LRP3: variants seen among roughly 807,000 people sequenced by gnomAD.
LRP3 encodes the protein low-density lipoprotein receptor-related protein 3.
A neutral mutation model predicts 58.5 loss-of-function variants in LRP3; 49 were observed. The observed-to-expected ratio is 0.84, with a 90% CI of 0.67 to 1.06. LRP3 has a LOEUF of 1.06. LRP3 is among the 50% of genes least tolerant of loss of function. The pLI is 0.00. For synonymous variants in LRP3, 485 were observed against 492.2 expected (o/e 0.99, Z 0.20); for missense variants, 1,019 against 1,134.2 (o/e 0.90, Z 1.46).
rs564325986 is a variant in LRP3, at chr19:33,198,500, C to T, written c.121+1723C>T. 3.3e-5 allele frequency among the ~76,000 whole-genome samples: 5 copies of T among 152,312 alleles called. No individual in the cohort carries two copies. In the South Asian group the frequency reaches 1.0e-3, roughly 32 times the overall value. On this transcript the variant is annotated intron_variant, in intron 2 of 6. Transcript: ENST00000253193. Reference sequence around the variant, plus strand: ...AAGGTACCCACCTCCCACCACAGCTCCATGACTCTGCATTTCCAGAGCTTT... The same window carrying T: ...AAGGTACCCACCTCCCACCACAGCTTCATGACTCTGCATTTCCAGAGCTTT...
chr19:33,204,900 A>G (rs1974383638), intron 4 of LRP3, 48 bp downstream of exon 4: 3 of 1,563,074 alleles, frequency 1.9e-6, no homozygotes, highest in Admixed American at 1.7e-5. Context: ...CACACCGTGC[A>G]TGCCCACAGG....
rs576317275 is a variant in LRP3, at chr19:33,207,619, A to T, written c.*44A>T. On this transcript the variant is annotated 3_prime_UTR_variant, in exon 7 of 7. Transcript: ENST00000253193. ...ACCGCCACAGCCCCGCTTTGTAACCAGGGAATACACAGTCATTTCTACCCT... is the reference window on the plus strand; with the variant it reads ...ACCGCCACAGCCCCGCTTTGTAACCTGGGAATACACAGTCATTTCTACCCT... The T allele has an allele frequency of 4.3e-6, 6 of 1,400,782 alleles. No individual in the cohort carries two copies. Among genetic ancestry groups the T allele is most frequent in the Non-Finnish European group, 6.0e-6 (6 of 1,003,948 alleles). 86.8% of individuals were successfully genotyped at this position (1,400,782 alleles called of 1,614,324 possible). A position where few individuals can be genotyped will look rare whatever the true frequency, so the allele number is the denominator to read the frequency against.
intron 2 of LRP3, among the ~76,000 whole-genome samples, chr19:33,199,517 T>A (rs1688562703): frequency 6.8e-6 from 1 of 147,894 alleles, no homozygotes; most frequent in South Asian, 2.1e-4. Flanking sequence ...AACTTGCAGC[T>A]CCCTGCACAG....
chr19:33,201,875 A>T (rs1974344766), intron 2 of LRP3, among the ~76,000 whole-genome samples: 1 of 152,158 alleles, frequency 6.6e-6, no homozygotes, highest in Non-Finnish European at 1.5e-5. Context: ...AGCAGAGAGC[A>T]TGGAGAATGG....
chr19:33,197,330 TG>T (rs1974296261), intron 2 of LRP3, among the ~76,000 whole-genome samples: 2 of 152,092 alleles, frequency 1.3e-5, no homozygotes, highest in African/African-American at 2.4e-5. Flanking sequence ...ACAGCTTCCG[TG>T]GGAAAGTCTC....
intron 2 of LRP3, among the ~76,000 whole-genome samples, chr19:33,200,649 G>A (rs936941142): frequency 6.6e-6 from 1 of 152,208 alleles, no homozygotes; most frequent in Non-Finnish European, 1.5e-5. Context: ...TGGGGCCGGG[G>A]CCACTTTGCA....
At position 33,204,772 on chromosome 19, in the gene LRP3, G is replaced by A; in HGVS notation, c.395G>A (p.Arg132His). 2 of 1,613,272 alleles carry A rather than the reference G, an allele frequency of 1.2e-6. No individual in the cohort carries two copies. The highest frequency in any genetic ancestry group is 1.7e-6 in the Non-Finnish European group (2 of 1,179,988). Residue 132 changes from arginine to histidine, a missense_variant, in exon 4 of 7, where the codon CGC (arginine) becomes CAC (histidine). Coordinates refer to ENST00000253193, the MANE Select transcript of LRP3 (RefSeq NM_002333.4). ...ATCCCACCTGCCTTCATCTCTGCCC[G>A]CGACCATGTCTGGATTTTCTTCCAC... is the stretch of plus-strand genomic sequence containing the variant. ...SAIPPAFISA[R>H]DHVWIFFHSD...
At chr19:33,196,705 G>T in intron 1 of LRP3, 25 bp from the exon 2 acceptor site, 1 of 1,613,616 alleles carries the variant, frequency 6.2e-7, no homozygotes. Context: ...TGGGACCCCT[G>T]ACCCTTTCTT....
At chr19:33,202,307 AC>A (rs1335369515) in intron 2 of LRP3, among the ~76,000 whole-genome samples, 2 of 151,870 alleles carry the variant, frequency 1.3e-5, no homozygotes, top group African/African-American at 4.8e-5. Flanking sequence ...GTCTGCTCCC[AC>A]CCCCAGCCTA....
In LRP3 at chr19:33,207,103, G is replaced by A. The variant is rs747500002; in HGVS notation, c.1841G>A (p.Arg614Gln). The change falls in exon 7 of 7, where the codon CGG (arginine) becomes CAG (glutamine). Residue 614 changes from arginine to glutamine, a missense_variant. Coordinates refer to ENST00000253193, the MANE Select transcript of LRP3 (RefSeq NM_002333.4). The stretch of plus-strand genomic sequence containing the variant: ...CGCCTCTGGAACCGGCTCTTTCACC[G>A]GCCGCGGGCGCCCCGAGGCCAGATC... Reference protein sequence around the residue: ...LGRLWNRLFHRPRAPRGQIPL... With the variant: ...LGRLWNRLFHQPRAPRGQIPL... The A allele has an allele frequency of 2.0e-6, 3 of 1,525,120 alleles. No homozygotes were observed. The highest frequency in any genetic ancestry group is 1.2e-5 in the South Asian group (1 of 82,480). The allele number at this position is 1,525,120 out of a possible 1,614,324, so 94.5% of individuals were successfully genotyped here.
intron 2 of LRP3, among the ~76,000 whole-genome samples, chr19:33,200,590 C>A (rs1194623162): frequency 6.6e-6 from 1 of 152,230 alleles, no homozygotes; most frequent in Non-Finnish European, 1.5e-5. Context: ...CCTCAGGGCT[C>A]TGTGAGGTCC....
In LRP3 at chr19:33,207,750, G is replaced by T. The variant is rs996908985; in HGVS notation, c.*175G>T. The T allele has an allele frequency of 2.6e-5, 13 of 508,216 alleles. 1 individual carries two copies. The highest frequency in any genetic ancestry group is 2.1e-4 in the South Asian group (10 of 46,894). 31.5% of individuals were successfully genotyped at this position (508,216 alleles called of 1,614,324 possible). A position where few individuals can be genotyped will look rare whatever the true frequency, so the allele number is the denominator to read the frequency against. On this transcript the variant is annotated 3_prime_UTR_variant, in exon 7 of 7. Coordinates refer to ENST00000253193, the MANE Select transcript of LRP3 (RefSeq NM_002333.4). ...GTGGGCGGGAGCTGTGGGACTGAAC[G>T]GCGGGGGGGAGAAGAGTGGAGTGGT...
At chr19:33,206,756 GCC>G in intron 6 of LRP3, 23 bp downstream of exon 6, 1 of 1,506,368 alleles carries the variant, frequency 6.6e-7, no homozygotes, top group Non-Finnish European at 8.9e-7. Flanking sequence ...AGGGCGTGAG[GCC>G]CCTCCGGGGC....
chr19:33,203,729 C>T (rs1974368800), intron 3 of LRP3: 1 of 152,326 alleles, frequency 6.6e-6, no homozygotes, highest in South Asian at 2.1e-4. Flanking sequence ...GACTGGTGGG[C>T]ATGGTCTGAT....
chr19:33,204,269 G>C, intron 3 of LRP3: 1 of 269,936 alleles, frequency 3.7e-6, no homozygotes, highest in Non-Finnish European at 7.1e-6. Context: ...GGGCCCTTGG[G>C]CCACTGCCCT....
chr19:33,205,468 G>T lies in LRP3; in HGVS notation c.698G>T (p.Arg233Leu), dbSNP rs372645682. 41 of 1,584,632 alleles carry T rather than the reference G, an allele frequency of 2.6e-5. No individual in the cohort carries two copies. Among genetic ancestry groups the T allele is most frequent in the Non-Finnish European group, 4.3e-6 (5 of 1,167,590 alleles). ...RSTRCLPVER[R>L]CDGLQDCGDG... ...ACGCGCTGCCTGCCTGTGGAGCGGC[G>T]CTGTGACGGCTTGCAGGACTGCGGC... Residue 233 changes from arginine (R) to leucine (L), a missense_variant, in exon 5 of 7, where the codon CGC (arginine) becomes CTC (leucine). Physicochemically the swap from Arg to Leu is moderately radical, Grantham distance 102. Coordinates refer to ENST00000253193, the MANE Select transcript of LRP3 (RefSeq NM_002333.4).
intron 2 of LRP3, among the ~76,000 whole-genome samples, chr19:33,201,212 C>T (rs970965008): frequency 4.6e-5 from 7 of 152,242 alleles, no homozygotes; most frequent in Admixed American, 2.0e-4. Flanking sequence ...GCTCTGTGGC[C>T]GAGGCTGGGG....
Position 33,208,284 on chromosome 19 carries a change from C to G in LRP3, c.*709C>G, listed in dbSNP as rs190930216. ...TCTGTTCCATCCTATCTCAGGGCCT[C>G]GGTTTCCCCACCTGTAAGCCAGGGT... is the stretch of plus-strand genomic sequence containing the variant. On this transcript the variant is annotated 3_prime_UTR_variant, in exon 7 of 7. Transcript: ENST00000253193. This position sits in a 1 kb window ranked among gnomAD's most constrained non-coding sequence, Gnocchi z 4.7. The G allele has an allele frequency of 1.2e-5, 2 of 165,934 alleles. No homozygotes were observed. Among genetic ancestry groups the G allele is most frequent in the African/African-American group, 4.8e-5 (2 of 41,490 alleles). The allele number at this position is 165,934 out of a possible 1,614,324, so 10.3% of individuals were successfully genotyped here.
intron 1 of LRP3, among the ~76,000 whole-genome samples, chr19:33,196,020 G>C (rs568698453): frequency 5.0e-4 from 71 of 143,084 alleles, no homozygotes; most frequent in African/African-American, 2.2e-3. Flanking sequence ...CTCTGGGCCC[G>C]TAACCCCCCG....
Sources: gnomAD v4.1 joint callset for allele counts (sites outside exome capture counted in the v4.1 genomes callset) on GRCh38, gnomAD v4.1.1 for gene constraint, Gnocchi (gnomAD v3.1) non-coding constraint, MANE v1.5 for transcripts, NCBI Gene and HGNC (gene_info 2026-07-23, HGNC 2026-07-21) for gene names.